Variants in ANO10 observed in about 807,000 individuals in gnomAD.
ANO10 encodes anoctamin-10.
In ANO10, 77 loss-of-function variants were observed where a neutral mutation model predicts 74.7. That is an observed-to-expected ratio of 1.03 (90% CI 0.86 to 1.25). The LOEUF is 1.25. ANO10 is among the 50% of genes most tolerant of loss of function. The pLI, the probability that ANO10 is intolerant of heterozygous loss-of-function variation, is 0.00. For missense variants in ANO10, 721 were observed against 778.1 expected (o/e 0.93, Z 0.87); for synonymous variants, 279 against 284.9 (o/e 0.98, Z 0.21).
At chr3:43,435,510 G>GA (rs1224221805) in intron 11 of ANO10, among the ~76,000 whole-genome samples, 18,714 of 119,910 alleles carry the variant, frequency 0.16, 1,370 homozygotes, top group Middle Eastern at 0.31. Flanking sequence ...CTCCATCTCA[G>GA]AAAAAAAAAA....
chr3:43,464,039 G>T (rs1019939424), intron 11 of ANO10, among the ~76,000 whole-genome samples: 1 of 152,162 alleles, frequency 6.6e-6, no homozygotes, highest in African/African-American at 2.4e-5. Flanking sequence ...GACATGACTT[G>T]CTCTTCCTCG....
intron 12 of ANO10, among the ~76,000 whole-genome samples, chr3:43,393,874 C>T (rs1292314040): frequency 6.6e-6 from 1 of 152,010 alleles, no homozygotes; most frequent in Non-Finnish European, 1.5e-5. Flanking sequence ...CCTCCATTTC[C>T]AGATCTTGGC....
intron 1 of ANO10, among the ~76,000 whole-genome samples, chr3:43,608,751 T>A (rs558153185): frequency 3.9e-4 from 60 of 152,118 alleles, no homozygotes; most frequent in African/African-American, 1.4e-3. Flanking sequence ...CCAGCTAATT[T>A]TTTCATTTTT....
intron 1 of ANO10, among the ~76,000 whole-genome samples, chr3:43,674,814 T>C (rs1160413027): frequency 6.6e-6 from 1 of 152,184 alleles, no homozygotes; most frequent in East Asian, 1.9e-4. Context: ...GGCTGGTCTT[T>C]TATGTCCCTG....
intron 1 of ANO10, among the ~76,000 whole-genome samples, chr3:43,657,027 C>T (rs2083865315): frequency 6.6e-6 from 1 of 152,200 alleles, no homozygotes; most frequent in South Asian, 2.1e-4. Flanking sequence ...TTCTTGTGAA[C>T]AAAAACTTTA....
At chr3:43,600,286 A>G in intron 3 of ANO10, 98 bp downstream of exon 3, 2 of 1,328,354 alleles carry the variant, frequency 1.5e-6, no homozygotes, top group Non-Finnish European at 2.2e-6. Flanking sequence ...TTACTATTTG[A>G]CCCTTTACTG....
intron 1 of ANO10, among the ~76,000 whole-genome samples, chr3:43,610,193 A>G (rs2082750014): frequency 6.6e-6 from 1 of 152,112 alleles, no homozygotes; most frequent in African/African-American, 2.4e-5. Context: ...AGATCTACAC[A>G]GGGTCAGGAT....
intron 9 of ANO10, 114 bp from the exon 10 acceptor site, chr3:43,555,583 CCCA>C: frequency 1.0e-6 from 1 of 1,004,466 alleles, no homozygotes; most frequent in East Asian, 2.6e-5. Context: ...AAAGAGTTTC[CCCA>C]CCATACACCA....
At chr3:43,403,620 G>A (rs866367485) in intron 12 of ANO10, among the ~76,000 whole-genome samples, 1 of 152,180 alleles carries the variant, frequency 6.6e-6, no homozygotes, top group African/African-American at 2.4e-5. Flanking sequence ...CCAGAAGATG[G>A]GAAGAAGCAT....
intron 11 of ANO10, among the ~76,000 whole-genome samples, chr3:43,516,018 CTGAGA>C (rs1213809382): frequency 6.6e-6 from 1 of 152,148 alleles, no homozygotes; most frequent in Non-Finnish European, 1.5e-5. Context: ...TCTTCGTGAT[CTGAGA>C]TATTTCACAT....
intron 7 of ANO10, among the ~76,000 whole-genome samples, chr3:43,567,301 G>A (rs1232908022): frequency 6.6e-6 from 1 of 151,144 alleles, no homozygotes. Context: ...TAGCAAGGCA[G>A]GCCAACGTTC....
intron 7 of ANO10, among the ~76,000 whole-genome samples, chr3:43,574,150 T>G (rs2080881974): frequency 6.6e-6 from 1 of 152,098 alleles, no homozygotes; most frequent in South Asian, 2.1e-4. Flanking sequence ...AGACAGGTTT[T>G]CACTGTGCTA....
At chr3:43,643,357 T>A (rs1444724897) in intron 1 of ANO10, among the ~76,000 whole-genome samples, 1 of 151,852 alleles carries the variant, frequency 6.6e-6, no homozygotes, top group Admixed American at 6.6e-5. Context: ...GGTAGATTCC[T>A]AGAAACGAGA....
At chr3:43,444,358 T>C (rs1225741196) in intron 11 of ANO10, among the ~76,000 whole-genome samples, 2 of 152,212 alleles carry the variant, frequency 1.3e-5, no homozygotes, top group African/African-American at 2.4e-5. Flanking sequence ...GATCTGATGA[T>C]GGTGAAAGGA....
intron 4 of ANO10, among the ~76,000 whole-genome samples, chr3:43,592,640 T>C (rs1424426223): frequency 6.6e-6 from 1 of 152,168 alleles, no homozygotes; most frequent in Non-Finnish European, 1.5e-5. Context: ...ATCATAAAGA[T>C]GGAGAGAAAC....
intron 1 of ANO10, among the ~76,000 whole-genome samples, chr3:43,677,766 G>C (rs1243425106): frequency 6.6e-6 from 1 of 152,208 alleles, no homozygotes; most frequent in African/African-American, 2.4e-5. Context: ...CTTACAGCAT[G>C]GTGGTCTCAG....
chr3:43,424,943 T>C (rs1289944711), intron 12 of ANO10, among the ~76,000 whole-genome samples: 2 of 152,142 alleles, frequency 1.3e-5, no homozygotes, highest in Non-Finnish European at 2.9e-5. Context: ...ATGATAGATA[T>C]ACCATAAACT....
In ANO10 at chr3:43,590,857, A is replaced by G. The variant is rs548962409; in HGVS notation, c.472+7675T>C. Among the ~76,000 whole-genome samples, 102 of 152,282 alleles carry G rather than the reference A, an allele frequency of 6.7e-4. 1 individual carries two copies. Among genetic ancestry groups the G allele is most frequent in the African/African-American group, 2.4e-3 (101 of 41,554 alleles). The stretch of plus-strand genomic sequence containing the variant: ...TTTCCTAGGCCGACTAAGAATTCCT[A>G]AGCCTAGCTATGAAGGTGACCACAC... On this transcript the variant is annotated intron_variant, in intron 4 of 12. Transcript: ENST00000292246.
intron 12 of ANO10, among the ~76,000 whole-genome samples, chr3:43,423,714 T>C (rs2092855089): frequency 6.6e-6 from 1 of 152,194 alleles, no homozygotes; most frequent in Non-Finnish European, 1.5e-5. Context: ...GAGGTTATCA[T>C]TTTATCAATT....
Sources: gnomAD v4.1 joint callset for allele counts (sites outside exome capture counted in the v4.1 genomes callset) on GRCh38, gnomAD v4.1.1 for gene constraint, MANE v1.5 for transcripts, NCBI Gene and HGNC (gene_info 2026-07-23, HGNC 2026-07-21) for gene names.